TIAM1: variants seen among roughly 807,000 people sequenced by gnomAD.
TIAM1 encodes TIAM Rac1 associated GEF 1.
A neutral mutation model predicts 163.5 loss-of-function variants in TIAM1; 65 were observed. The observed-to-expected ratio is 0.40, with a 90% CI of 0.33 to 0.49. The LOEUF (loss-of-function observed/expected upper bound fraction) is 0.49, where lower values mean the gene tolerates loss of function less well. Ranked by LOEUF, TIAM1 falls within the 20% of genes least tolerant of loss-of-function variation. TIAM1 has a pLI of 0.77. For missense variants in TIAM1, 1,789 were observed against 2,044.7 expected (o/e 0.87, Z 2.41); for synonymous variants, 833 against 810.1 (o/e 1.03, Z -0.48).
intron 22 of TIAM1, among the ~76,000 whole-genome samples, chr21:31,140,539 T>C (rs769090324): frequency 1.3e-5 from 2 of 152,212 alleles, no homozygotes; most frequent in African/African-American, 2.4e-5. Context: ...TTATCCATCA[T>C]CTCAAACATC....
chr21:31,149,008 C>G (rs28718040), intron 19 of TIAM1, among the ~76,000 whole-genome samples: 1 of 149,198 alleles, frequency 6.7e-6, no homozygotes, highest in African/African-American at 2.6e-5. Flanking sequence ...AAAAGAGCAG[C>G]AATTGTGGAA....
chr21:31,437,391 A>C (rs2044245611), intron 2 of TIAM1, among the ~76,000 whole-genome samples: 1 of 151,498 alleles, frequency 6.6e-6, no homozygotes, highest in Admixed American at 6.6e-5. Context: ...AATCCCAGCT[A>C]CTCAGTGGGG....
intron 1 of TIAM1, among the ~76,000 whole-genome samples, chr21:31,509,506 G>A (rs940861599): frequency 2.6e-5 from 4 of 152,068 alleles, no homozygotes; most frequent in Non-Finnish European, 5.9e-5. Context: ...CACCTCCTCC[G>A]CCACTGTCAA....
intron 2 of TIAM1, among the ~76,000 whole-genome samples, chr21:31,354,730 C>T (rs1477927521): frequency 6.6e-6 from 1 of 152,124 alleles, no homozygotes; most frequent in Admixed American, 6.5e-5. Context: ...GTGGAGGAGG[C>T]TCAGCCAGCA....
intron 1 of TIAM1, among the ~76,000 whole-genome samples, chr21:31,524,426 C>A (rs905951150): frequency 1.3e-5 from 2 of 152,164 alleles, no homozygotes; most frequent in Non-Finnish European, 1.5e-5. Flanking sequence ...ACAAACACCT[C>A]CCACCAGGCC....
At chr21:31,440,471 A>G (rs2044377731) in intron 2 of TIAM1, among the ~76,000 whole-genome samples, 1 of 152,046 alleles carries the variant, frequency 6.6e-6, no homozygotes, top group African/African-American at 2.4e-5. Flanking sequence ...CTTGGCCTTT[A>G]AAAAAAAGTC....
At chr21:31,428,137 T>C (rs548308) in intron 2 of TIAM1, among the ~76,000 whole-genome samples, 140,841 of 152,134 alleles carry the variant, frequency 0.93, 65,288 homozygotes, top group East Asian at 1. Context: ...GGCCTGTAAT[T>C]TCAGCTACTT....
At chr21:31,512,248 C>T (rs985799695) in intron 1 of TIAM1, among the ~76,000 whole-genome samples, 1 of 152,058 alleles carries the variant, frequency 6.6e-6, no homozygotes, top group African/African-American at 2.4e-5. Flanking sequence ...AGGCACATAT[C>T]ACCATGCCCA....
At chr21:31,275,273 T>A (rs2073248620) in intron 3 of TIAM1, among the ~76,000 whole-genome samples, 1 of 152,210 alleles carries the variant, frequency 6.6e-6, no homozygotes, top group South Asian at 2.1e-4. Flanking sequence ...TTTTTTGGTA[T>A]TTTCTAATGT....
At chr21:31,437,180 T>C (rs868092913) in intron 2 of TIAM1, among the ~76,000 whole-genome samples, 20 of 152,186 alleles carry the variant, frequency 1.3e-4, no homozygotes, top group African/African-American at 4.3e-4. Flanking sequence ...ATATTATACA[T>C]AGTTATTGAT....
At chr21:31,149,372 C>T (rs1255683455) in intron 19 of TIAM1, among the ~76,000 whole-genome samples, 1 of 152,112 alleles carries the variant, frequency 6.6e-6, no homozygotes, top group Non-Finnish European at 1.5e-5. Flanking sequence ...ATGGCCATTT[C>T]CTTAGAGCAA....
intron 2 of TIAM1, among the ~76,000 whole-genome samples, chr21:31,447,276 A>AT (rs1204364696): frequency 1.3e-5 from 2 of 151,610 alleles, no homozygotes; most frequent in Admixed American, 6.6e-5. Flanking sequence ...TGGGAAAAAA[A>AT]TTTTTTTTTA....
intron 16 of TIAM1, among the ~76,000 whole-genome samples, chr21:31,164,713 C>G (rs1283066360): frequency 6.6e-6 from 1 of 152,180 alleles, no homozygotes; most frequent in East Asian, 1.9e-4. Flanking sequence ...GGAGCTCCAG[C>G]AGTGGCAGAA....
chr21:31,555,621 C>A (rs930183767), intron 1 of TIAM1, among the ~76,000 whole-genome samples: 1 of 152,106 alleles, frequency 6.6e-6, no homozygotes, highest in Non-Finnish European at 1.5e-5. Context: ...CTGCCCTCCT[C>A]AAGCAGACAG....
At chr21:31,424,579 C>T (rs1441214849) in intron 2 of TIAM1, among the ~76,000 whole-genome samples, 1 of 152,104 alleles carries the variant, frequency 6.6e-6, no homozygotes, top group Non-Finnish European at 1.5e-5. Flanking sequence ...ATATGAGGTA[C>T]CTAGAGTACC....
At chr21:31,243,769 A>G (rs2071349785) in intron 6 of TIAM1, among the ~76,000 whole-genome samples, 1 of 152,248 alleles carries the variant, frequency 6.6e-6, no homozygotes, top group Non-Finnish European at 1.5e-5. Context: ...AGGGAGCCTC[A>G]TAGGATAAAC....
chr21:31,245,046 C>T (rs921290458), intron 6 of TIAM1, among the ~76,000 whole-genome samples: 6 of 152,054 alleles, frequency 3.9e-5, no homozygotes, highest in Non-Finnish European at 7.4e-5. Context: ...TGATGCCAGT[C>T]ATTTCTGAGA....
intron 17 of TIAM1, among the ~76,000 whole-genome samples, 153 bp from the exon 18 acceptor site, chr21:31,153,287 C>T (rs2083463950): frequency 6.6e-6 from 1 of 152,102 alleles, no homozygotes; most frequent in Admixed American, 6.6e-5. Context: ...GACTTTAGGT[C>T]GTTAAGGTCC....
At chr21:31,299,392 T>C (rs1290165331) in intron 2 of TIAM1, among the ~76,000 whole-genome samples, 1 of 152,214 alleles carries the variant, frequency 6.6e-6, no homozygotes, top group Non-Finnish European at 1.5e-5. Context: ...CAGGCTTCAG[T>C]GGAGAAAACA....
Sources: gnomAD v4.1 joint callset for allele counts (sites outside exome capture counted in the v4.1 genomes callset) on GRCh38, gnomAD v4.1.1 for gene constraint, MANE v1.5 for transcripts, NCBI Gene and HGNC (gene_info 2026-07-23, HGNC 2026-07-21) for gene names.